CELF6: variants seen among roughly 807,000 people sequenced by gnomAD.
CELF6 encodes CUGBP Elav-like family member 6, also known as Bruno -like 6, RNA binding protein.
In CELF6, 32 loss-of-function variants were observed where a neutral mutation model predicts 53.1. The ratio of observed to expected loss-of-function variants is 0.60; its 90% CI spans 0.46 to 0.81. The LOEUF (loss-of-function observed/expected upper bound fraction) is 0.81. CELF6 is among the 30% of genes least tolerant of loss of function. The probability of loss-of-function intolerance (pLI) is 0.00; values close to 1 mark genes in which losing one functional copy is unlikely to be tolerated. For missense variants in CELF6, 539 were observed against 669.5 expected (o/e 0.81, Z 2.15); for synonymous variants, 291 against 288.8 (o/e 1.01, Z -0.08).
intron 2 of CELF6, among the ~76,000 whole-genome samples, chr15:72,308,228 TTTG>T (rs914739969): frequency 1.6e-4 from 23 of 142,776 alleles, no homozygotes; most frequent in African/African-American, 6.5e-4. Flanking sequence ...ATTGTTTTTT[TTTG>T]TTTGTTTGTT....
intron 3 of CELF6, among the ~76,000 whole-genome samples, chr15:72,291,124 C>T (rs2088001066): frequency 6.6e-6 from 1 of 152,198 alleles, no homozygotes; most frequent in African/African-American, 2.4e-5. Flanking sequence ...ACCTGGATTG[C>T]CACCAGAGAA....
intron 3 of CELF6, among the ~76,000 whole-genome samples, chr15:72,303,843 A>G (rs896165176): frequency 2.6e-5 from 4 of 151,728 alleles, no homozygotes; most frequent in Non-Finnish European, 5.9e-5. Context: ...TAACCGTCCT[A>G]TGTGGTTTTG....
chr15:72,303,837 C>T (rs1055164003), intron 3 of CELF6, among the ~76,000 whole-genome samples: 1 of 151,972 alleles, frequency 6.6e-6, no homozygotes, highest in Non-Finnish European at 1.5e-5. Flanking sequence ...GCTCTCTAAC[C>T]GTCCTATGTG....
At chr15:72,310,400 T>A (rs2088280054) in intron 2 of CELF6, among the ~76,000 whole-genome samples, 1 of 152,068 alleles carries the variant, frequency 6.6e-6, no homozygotes, top group Non-Finnish European at 1.5e-5. Context: ...AAATCTAACC[T>A]CTTATCTCCT....
intron 2 of CELF6, among the ~76,000 whole-genome samples, chr15:72,308,724 G>A (rs183974371): frequency 2.6e-5 from 4 of 151,684 alleles, no homozygotes; most frequent in African/African-American, 7.3e-5. Context: ...ATTTATTTTG[G>A]AGACTGAGTC....
chr15:72,289,928 C>T lies in CELF6; in HGVS notation c.603+11G>A. On this transcript the variant is annotated intron_variant, in intron 5 of 12. Transcript: ENST00000287202. This position sits in a 1 kb window ranked among gnomAD's most constrained non-coding sequence, Gnocchi z 7.6. The stretch of plus-strand genomic sequence containing the variant: ...CTGGCCTCACCCTCAGCCCAGGGAA[C>T]CCGCCCTCACCGCCATGGTCCGGCT... The T allele has an allele frequency of 6.4e-7, 1 of 1,555,106 alleles. No individual in the cohort carries two copies. The highest frequency in any genetic ancestry group is 1.2e-5 in the South Asian group (1 of 84,788).
intron 2 of CELF6, among the ~76,000 whole-genome samples, chr15:72,314,497 C>T (rs954118629): frequency 6.6e-6 from 1 of 151,822 alleles, no homozygotes; most frequent in South Asian, 2.1e-4. Flanking sequence ...GAGACTGAAG[C>T]TCAGGAGTCC....
Position 72,315,845 on chromosome 15 carries a change from C to A in CELF6, c.345G>T (p.Gly115=). Residue 115 remains glycine, a splice_region_variant and synonymous_variant, in exon 2 of 13, where the codon GGG becomes GGT. Coordinates refer to ENST00000287202, the MANE Select transcript of CELF6 (RefSeq NM_052840.5). ...CCACCCCCCAACCTGGAGGACTTAC[C>A]CCTGGCAGGGTCTTCTGCTCGTGCA... is the stretch of plus-strand genomic sequence containing the variant. ...SALHEQKTLP[G]MNRPIQVKPA... 6.3e-7 allele frequency: 1 copy of A among 1,595,190 alleles called. No individual in the cohort carries two copies. Among genetic ancestry groups the A allele is most frequent in the East Asian group, 2.3e-5 (1 of 44,282 alleles).
chr15:72,316,424 G>C (rs1255367266), intron 1 of CELF6, among the ~76,000 whole-genome samples: 1 of 152,132 alleles, frequency 6.6e-6, no homozygotes, highest in African/African-American at 2.4e-5. Flanking sequence ...TCTTGTCCAT[G>C]TCTCCCTCCC....
At position 72,319,800 on chromosome 15, in the gene CELF6, G is replaced by A. The variant is rs1053980793; in HGVS notation, c.75C>T (p.Ser25=). ...GGTTTAGCCCGCTCATGCCGACGCCGCTGTCCGCGGTGCTGAAACCCAGGC... is the reference window on the plus strand; with the variant it reads ...GGTTTAGCCCGCTCATGCCGACGCCACTGTCCGCGGTGCTGAAACCCAGGC... ...GPRLGFSTAD[S]GVGMSGLNPG... Residue 25 remains serine (S), a synonymous_variant, in exon 1 of 13, where the codon AGC becomes AGT. Coordinates refer to ENST00000287202, the MANE Select transcript of CELF6 (RefSeq NM_052840.5). The surrounding 1 kb of genome is among the most constrained non-coding windows in gnomAD (Gnocchi z 5.0). 88 of 1,558,230 alleles carry A rather than the reference G, an allele frequency of 5.6e-5. No individual in the cohort carries two copies. Among genetic ancestry groups the A allele is most frequent in the Non-Finnish European group, 7.5e-5 (86 of 1,150,548 alleles).
In CELF6 at chr15:72,319,527, G is replaced by C; in HGVS notation, c.262+86C>G. 2.1e-6 allele frequency: 3 copies of C among 1,428,498 alleles called. No individual in the cohort carries two copies. Among genetic ancestry groups the C allele is most frequent in the Non-Finnish European group, 2.8e-6 (3 of 1,073,514 alleles). 88.5% of individuals were successfully genotyped at this position (1,428,498 alleles called of 1,614,324 possible). On this transcript the variant is annotated intron_variant, in intron 1 of 12. Transcript: ENST00000287202. This position sits in a 1 kb window ranked among gnomAD's most constrained non-coding sequence, Gnocchi z 5.0. ...TTGGACTGGTGTTGGACTGGCTCTC[G>C]GCAGGGCTAGGGCTGGGGCTGGGCT...
chr15:72,309,637 T>C (rs1465575728), intron 2 of CELF6, among the ~76,000 whole-genome samples: 2 of 152,106 alleles, frequency 1.3e-5, no homozygotes, highest in South Asian at 2.1e-4. Flanking sequence ...GATTTAGGCA[T>C]GTTATGTGTG....
At chr15:72,306,111 A>C (rs2141200899) in intron 2 of CELF6, 1 of 984,932 alleles carries the variant, frequency 1.0e-6, no homozygotes, top group African/African-American at 1.7e-5. Context: ...AACCACCCTG[A>C]GTGAATTCAT....
chr15:72,312,515 G>C (rs556513326), intron 2 of CELF6, among the ~76,000 whole-genome samples: 186 of 152,276 alleles, frequency 1.2e-3, no homozygotes, highest in African/African-American at 4.4e-3. Context: ...TGTAATCCCA[G>C]CTACTTGGGA....
intron 2 of CELF6, among the ~76,000 whole-genome samples, chr15:72,306,538 G>A (rs2088232737): frequency 6.8e-6 from 1 of 147,782 alleles, no homozygotes; most frequent in Non-Finnish European, 1.5e-5. Flanking sequence ...GGGTGGGAGG[G>A]GCAGGGAGGG....
intron 3 of CELF6, among the ~76,000 whole-genome samples, chr15:72,293,067 C>T (rs772722697): frequency 3.1e-4 from 47 of 152,250 alleles, no homozygotes; most frequent in Non-Finnish European, 4.3e-4. Flanking sequence ...GGCACTGACC[C>T]TATGGATCTG....
At chr15:72,317,814 G>C (rs2088380627) in intron 1 of CELF6, among the ~76,000 whole-genome samples, 1 of 152,190 alleles carries the variant, frequency 6.6e-6, no homozygotes, top group Non-Finnish European at 1.5e-5. Context: ...CAGGTTGCCT[G>C]TCTGAAAGGC....
In CELF6 at chr15:72,288,464, T is replaced by A. The variant is rs754228004; in HGVS notation, c.1175-13A>T. ...CAGCCTTCGGGGCCTGGAGGAACAG[T>A]AGCAAGCTGGTTCAGGGGAAGGACC... On this transcript the variant is annotated splice_polypyrimidine_tract_variant and intron_variant, in intron 10 of 12. Transcript: ENST00000287202. The surrounding 1 kb of genome is among the most constrained non-coding windows in gnomAD (Gnocchi z 4.6). 1 of 1,614,158 alleles carries A rather than the reference T, an allele frequency of 6.2e-7. No homozygotes were observed. Among genetic ancestry groups the A allele is most frequent in the South Asian group, 1.1e-5 (1 of 91,084 alleles).
intron 2 of CELF6, among the ~76,000 whole-genome samples, chr15:72,309,021 T>C (rs2088265133): frequency 6.6e-6 from 1 of 152,166 alleles, no homozygotes; most frequent in Admixed American, 6.5e-5. Context: ...TAAGCGATTA[T>C]TCTACTTCAG....
Sources: gnomAD v4.1 joint callset for allele counts (sites outside exome capture counted in the v4.1 genomes callset) on GRCh38, gnomAD v4.1.1 for gene constraint, Gnocchi (gnomAD v3.1) non-coding constraint, MANE v1.5 for transcripts, NCBI Gene and HGNC (gene_info 2026-07-23, HGNC 2026-07-21) for gene names.